The following PTPRD variants were observed in gnomAD, a reference collection of about 807,000 sequenced individuals.
The protein encoded by PTPRD is protein tyrosine phosphatase receptor type D.
In PTPRD, 34 loss-of-function variants were observed where a neutral mutation model predicts 214.5. The ratio of observed to expected loss-of-function variants is 0.16; its 90% CI spans 0.12 to 0.21. The LOEUF (loss-of-function observed/expected upper bound fraction) is 0.21, where lower values mean the gene tolerates loss of function less well. PTPRD is among the 10% of genes least tolerant of loss of function. The pLI is 1.00. For synonymous variants in PTPRD, 1,128 were observed against 845.7 expected (o/e 1.33, Z -5.79); for missense variants, 2,545 against 2,398.7 (o/e 1.06, Z -1.27).
intron 10 of PTPRD, among the ~76,000 whole-genome samples, chr9:9,027,343 A>G (rs1383850313): frequency 6.6e-6 from 1 of 151,918 alleles, no homozygotes; most frequent in Non-Finnish European, 1.5e-5. Context: ...CCATTTGACA[A>G]TAGCTGTTAC....
At chr9:8,538,814 G>A (rs2077615518) in intron 14 of PTPRD, among the ~76,000 whole-genome samples, 1 of 151,912 alleles carries the variant, frequency 6.6e-6, no homozygotes, top group Admixed American at 6.6e-5. Context: ...GTCACACCTT[G>A]TATTCAGATC....
At chr9:9,448,567 C>A (rs1284451876) in intron 8 of PTPRD, among the ~76,000 whole-genome samples, 1 of 152,038 alleles carries the variant, frequency 6.6e-6, no homozygotes, top group East Asian at 1.9e-4. Flanking sequence ...AACTTCTTTC[C>A]TTCATAAATA....
chr9:8,435,700 T>TATACACACACACAC, intron 35 of PTPRD, among the ~76,000 whole-genome samples: 1 of 148,780 alleles, frequency 6.7e-6, no homozygotes, highest in South Asian at 2.1e-4. Flanking sequence ...AATATCCAAA[T>TATACACACACACAC]ACACACACAC....
chr9:10,113,541 T>C (rs965631847), intron 3 of PTPRD, among the ~76,000 whole-genome samples: 33 of 152,204 alleles, frequency 2.2e-4, no homozygotes, highest in African/African-American at 8.0e-4. Flanking sequence ...ACTTATCCAA[T>C]GATAATGATC....
At chr9:10,510,312 A>G (rs1289899806) in intron 2 of PTPRD, among the ~76,000 whole-genome samples, 1 of 152,024 alleles carries the variant, frequency 6.6e-6, no homozygotes, top group Non-Finnish European at 1.5e-5. Context: ...GATCTTTACA[A>G]TTCACATACA....
rs565161993 is a variant in PTPRD at position 8,605,759 on chromosome 9, C to T, written c.352+27558G>A. ...CTCATGCCATTACCTTGTGCTTCAACAGACTTACACCACTTCCAGGCCTTT... is the reference window on the plus strand; with the variant it reads ...CTCATGCCATTACCTTGTGCTTCAATAGACTTACACCACTTCCAGGCCTTT... On this transcript the variant is annotated intron_variant, in intron 14 of 45. Coordinates refer to ENST00000381196, the MANE Select transcript of PTPRD (RefSeq NM_002839.4). Among the ~76,000 whole-genome samples, 9 of 152,312 alleles carry T rather than the reference C, an allele frequency of 5.9e-5. No individual in the cohort carries two copies. The South Asian group carries it at 1.7e-3, about 28-fold the overall frequency.
intron 9 of PTPRD, among the ~76,000 whole-genome samples, chr9:9,346,063 A>G (rs1388829883): frequency 3.9e-5 from 6 of 152,130 alleles, no homozygotes; most frequent in Non-Finnish European, 1.5e-5. Flanking sequence ...CGTGTTCTGG[A>G]AGCTCCCTCA....
chr9:10,128,134 T>C (rs939183020), intron 3 of PTPRD, among the ~76,000 whole-genome samples: 1 of 152,132 alleles, frequency 6.6e-6, no homozygotes, highest in Non-Finnish European at 1.5e-5. Flanking sequence ...CAATGTTCTG[T>C]ATCACTTCCC....
At chr9:8,795,284 C>T (rs983436186) in intron 11 of PTPRD, among the ~76,000 whole-genome samples, 3 of 152,104 alleles carry the variant, frequency 2.0e-5, no homozygotes, top group Non-Finnish European at 4.4e-5. Context: ...CCTGCCTCAG[C>T]CTCCCAAGTA....
intron 37 of PTPRD, among the ~76,000 whole-genome samples, chr9:8,386,597 G>A (rs1269960846): frequency 6.6e-6 from 1 of 152,148 alleles, no homozygotes. Flanking sequence ...GGCCAGGCTA[G>A]TTCCAATGTC....
intron 7 of PTPRD, among the ~76,000 whole-genome samples, chr9:9,657,911 A>G (rs1300123339): frequency 1.3e-5 from 2 of 152,176 alleles, no homozygotes; most frequent in African/African-American, 4.8e-5. Context: ...CGACCTAAAG[A>G]GAGGATGGGT....
intron 9 of PTPRD, among the ~76,000 whole-genome samples, chr9:9,369,019 T>A (rs574375475): frequency 5.3e-5 from 8 of 152,128 alleles, no homozygotes; most frequent in African/African-American, 1.9e-4. Flanking sequence ...GTGTTTGGTT[T>A]CTTGTCCTTG....
intron 2 of PTPRD, among the ~76,000 whole-genome samples, chr9:10,380,136 T>G (rs905517191): frequency 2.8e-4 from 42 of 152,086 alleles, no homozygotes; most frequent in Non-Finnish European, 5.1e-4. Context: ...TTCTTTCTTT[T>G]GATAAAGCTA....
chr9:8,328,959 C>A (rs1157467338), intron 44 of PTPRD, among the ~76,000 whole-genome samples: 3 of 152,102 alleles, frequency 2.0e-5, no homozygotes, highest in African/African-American at 7.2e-5. Context: ...AGCTTCCTTG[C>A]ATTAAATTAG....
At chr9:8,872,739 T>C (rs1482798771) in intron 11 of PTPRD, among the ~76,000 whole-genome samples, 2 of 152,190 alleles carry the variant, frequency 1.3e-5, no homozygotes, top group Non-Finnish European at 2.9e-5. Flanking sequence ...ATAAAAACCA[T>C]CTAGGGACAG....
chr9:10,056,188 G>A (rs965650248), intron 3 of PTPRD, among the ~76,000 whole-genome samples: 1 of 151,920 alleles, frequency 6.6e-6, no homozygotes, highest in Non-Finnish European at 1.5e-5. Context: ...AGACATGGTG[G>A]CATGTGCCTG....
chr9:9,954,767 CAT>C (rs1273835932), intron 4 of PTPRD, among the ~76,000 whole-genome samples: 7 of 151,868 alleles, frequency 4.6e-5, no homozygotes, highest in African/African-American at 1.7e-4. Flanking sequence ...TGTATAGAAA[CAT>C]AGATTAATAC....
chr9:9,974,156 T>C (rs1467753259), intron 4 of PTPRD, among the ~76,000 whole-genome samples: 2 of 152,236 alleles, frequency 1.3e-5, no homozygotes, highest in East Asian at 3.8e-4. Context: ...ATTTCTATTC[T>C]ATGTATCAGA....
intron 32 of PTPRD, among the ~76,000 whole-genome samples, chr9:8,462,798 G>GT (rs1565000068): frequency 1.3e-5 from 2 of 151,698 alleles, no homozygotes; most frequent in African/African-American, 4.8e-5. Flanking sequence ...TTTAGTCCTT[G>GT]TTTTTTTAAA....
Sources: gnomAD v4.1 joint callset for allele counts (sites outside exome capture counted in the v4.1 genomes callset) on GRCh38, gnomAD v4.1.1 for gene constraint, MANE v1.5 for transcripts, NCBI Gene and HGNC (gene_info 2026-07-23, HGNC 2026-07-21) for gene names.